The following SLCO1B3 variants were observed in gnomAD, a reference collection of about 807,000 sequenced individuals.
SLCO1B3 encodes liver-specific organic anion transporter 2.
SLCO1B3 carries 72 observed loss-of-function variants against 71.8 expected under a neutral mutation model. The ratio of observed to expected loss-of-function variants is 1.00; its 90% CI spans 0.83 to 1.22. The LOEUF (loss-of-function observed/expected upper bound fraction) is 1.22. Ranked by LOEUF, SLCO1B3 falls within the 50% of genes most tolerant of loss-of-function variation. The probability of loss-of-function intolerance (pLI) is 0.00; values close to 1 mark genes in which losing one functional copy is unlikely to be tolerated. For synonymous variants in SLCO1B3, 298 were observed against 278.4 expected (o/e 1.07, Z -0.70); for missense variants, 911 against 819.7 (o/e 1.11, Z -1.36).
At chr12:20,832,377 C>T (rs889676825) in intron 3 of SLCO1B3, among the ~76,000 whole-genome samples, 6 of 152,258 alleles carry the variant, frequency 3.9e-5, no homozygotes, top group Admixed American at 3.9e-4. Context: ...ATTGAACCAA[C>T]TGTGTTACAC....
intron 3 of SLCO1B3, among the ~76,000 whole-genome samples, chr12:20,819,300 C>T (rs528944975): frequency 7.6e-4 from 115 of 152,146 alleles, no homozygotes; most frequent in South Asian, 2.1e-3. Flanking sequence ...TGTGTTTTTA[C>T]GAGAATTATG....
intron 8 of SLCO1B3, among the ~76,000 whole-genome samples, chr12:20,868,526 C>G (rs537509324): frequency 6.6e-6 from 1 of 152,204 alleles, no homozygotes; most frequent in Non-Finnish European, 1.5e-5. Flanking sequence ...ATTCTACTTT[C>G]TGCTTTCATG....
intron 3 of SLCO1B3, among the ~76,000 whole-genome samples, chr12:20,827,211 G>A (rs142665096): frequency 6.6e-5 from 10 of 152,188 alleles, no homozygotes; most frequent in African/African-American, 2.4e-4. Flanking sequence ...ATTTAGCAGG[G>A]ATAAATATTA....
chr12:20,879,432 C>T lies in SLCO1B3; in HGVS notation c.1136-4C>T, dbSNP rs958332597. On this transcript the variant is annotated splice_polypyrimidine_tract_variant and splice_region_variant and intron_variant, in intron 10 of 15. Coordinates refer to ENST00000381545, the MANE Select transcript of SLCO1B3 (RefSeq NM_019844.4). ...ATAGCTTTTTTCTCTTCTTTTATTTCTAGGAATCATAACCATTCCTACGGT... is the reference window on the plus strand; with the variant it reads ...ATAGCTTTTTTCTCTTCTTTTATTTTTAGGAATCATAACCATTCCTACGGT... 1.7e-5 allele frequency: 26 copies of T among 1,558,252 alleles called. No homozygotes were observed. Among genetic ancestry groups the T allele is most frequent in the Non-Finnish European group, 2.0e-5 (23 of 1,144,084 alleles).
chr12:20,821,389 A>T (rs1456317400), intron 3 of SLCO1B3, among the ~76,000 whole-genome samples: 5 of 152,132 alleles, frequency 3.3e-5, no homozygotes, highest in Non-Finnish European at 7.4e-5. Context: ...GTCAGGTGAG[A>T]GTTGAAGAGG....
chr12:20,903,130 G>A (rs1008002831), intron 15 of SLCO1B3, among the ~76,000 whole-genome samples: 3 of 151,330 alleles, frequency 2.0e-5, no homozygotes, highest in Non-Finnish European at 2.9e-5. Flanking sequence ...GGAAACAACA[G>A]GAATTTCCTG....
intron 8 of SLCO1B3, among the ~76,000 whole-genome samples, chr12:20,868,616 T>C (rs10770754): frequency 0.72 from 109,358 of 151,762 alleles, 41,945 homozygotes; most frequent in South Asian, 0.9. Flanking sequence ...GTGGGTCTCT[T>C]ACTGTGTGCG....
At position 20,828,302 on chromosome 12, in the gene SLCO1B3, TAAAA is replaced by T. The variant is rs33953453; in HGVS notation, c.84+12494_84+12497del. Among the ~76,000 whole-genome samples, 176 of 140,696 alleles carry T rather than the reference TAAAA, an allele frequency of 1.3e-3. 3 individuals are homozygous for T. In the South Asian group the frequency reaches 0.034, roughly 27 times the overall value. The allele number at this position is 140,696 out of a possible 152,430, so 92.3% of individuals were successfully genotyped here. A position where few individuals can be genotyped will look rare whatever the true frequency, so the allele number is the denominator to read the frequency against. On this transcript the variant is annotated intron_variant, in intron 3 of 15. Transcript: ENST00000381545. ...GCACCTGTTGTAAGAACTATTTTAG[TAAAA>T]AAAAAAAAAAAAAGGTAACACAATA...
chr12:20,902,447 C>T (rs1866148461), intron 15 of SLCO1B3: 2 of 152,182 alleles, frequency 1.3e-5, no homozygotes, highest in Non-Finnish European at 2.9e-5. Flanking sequence ...TGAACTAATG[C>T]ATGAACAGAA....
At chr12:20,900,886 A>T (rs1164818692) in intron 14 of SLCO1B3, among the ~76,000 whole-genome samples, 1 of 152,224 alleles carries the variant, frequency 6.6e-6, no homozygotes, top group Non-Finnish European at 1.5e-5. Context: ...ATCTTAAAAT[A>T]GTATTAAAAT....
intron 11 of SLCO1B3, among the ~76,000 whole-genome samples, chr12:20,880,108 TC>T (rs1555158663): frequency 6.0e-5 from 1 of 16,774 alleles, no homozygotes; most frequent in South Asian, 0.013. Context: ...TTAATAATTA[TC>T]ATATCTTTAC....
chr12:20,841,972 T>C (rs11045552), intron 3 of SLCO1B3, among the ~76,000 whole-genome samples: 109,590 of 151,182 alleles, frequency 0.72, 42,304 homozygotes, highest in South Asian at 0.9. Context: ...GCAGCCTCTG[T>C]CGCCCAGTTT....
In SLCO1B3 at chr12:20,880,833, T is replaced by C. The variant is rs78308855; in HGVS notation, c.1332-22T>C. On this transcript the variant is annotated intron_variant, in intron 11 of 15. Transcript: ENST00000381545. ...ACTTCCTCTTTCTCTTTTTTTGATA[T>C]ATTTCTATCATATATTTTCAGAAAT... 8.4e-4 allele frequency: 1,271 copies of C among 1,519,396 alleles called. 8 individuals are homozygous for C. In the African/African-American group the frequency reaches 0.014, roughly 17 times the overall value. The allele number at this position is 1,519,396 out of a possible 1,614,324, so 94.1% of individuals were successfully genotyped here. A position where few individuals can be genotyped will look rare whatever the true frequency, so the allele number is the denominator to read the frequency against.
At chr12:20,881,908 T>A (rs949904750) in intron 12 of SLCO1B3, among the ~76,000 whole-genome samples, 5 of 152,194 alleles carry the variant, frequency 3.3e-5, no homozygotes, top group African/African-American at 1.2e-4. Context: ...TTTCTATCTT[T>A]CCCTTGCCCA....
intron 4 of SLCO1B3, among the ~76,000 whole-genome samples, chr12:20,856,983 T>C (rs1015002445): frequency 6.6e-6 from 1 of 152,188 alleles, no homozygotes; most frequent in Non-Finnish European, 1.5e-5. Context: ...TAGGAAGAAT[T>C]GAAAACGTGG....
rs1023678325 is a variant in SLCO1B3, at chr12:20,881,051, C to A, written c.1497+31C>A. On this transcript the variant is annotated intron_variant, in intron 12 of 15. Transcript: ENST00000381545. ...TATTAGTTTTCACTTTTTCTCCTCT[C>A]CTTAATCAAAATCACAGATTTGATT... The A allele has an allele frequency of 5.4e-6, 8 of 1,471,036 alleles. No homozygotes were observed. In the South Asian group the frequency reaches 8.9e-5, roughly 16 times the overall value. The allele number at this position is 1,471,036 out of a possible 1,614,324, so 91.1% of individuals were successfully genotyped here. A position where few individuals can be genotyped will look rare whatever the true frequency, so the allele number is the denominator to read the frequency against.
At chr12:20,888,083 A>G (rs971238559) in intron 13 of SLCO1B3, among the ~76,000 whole-genome samples, 5 of 151,912 alleles carry the variant, frequency 3.3e-5, no homozygotes, top group East Asian at 3.9e-4. Context: ...CCATTGATCT[A>G]TGTGTCTATT....
intron 15 of SLCO1B3, among the ~76,000 whole-genome samples, chr12:20,913,288 A>G (rs1455961691): frequency 6.6e-6 from 1 of 152,214 alleles, no homozygotes. Context: ...ACTATGTACC[A>G]TAGTAACTAT....
At chr12:20,889,254 GA>G (rs1865854607) in intron 13 of SLCO1B3, among the ~76,000 whole-genome samples, 1 of 151,824 alleles carries the variant, frequency 6.6e-6, no homozygotes, top group African/African-American at 2.4e-5. Context: ...TGATTTTTTG[GA>G]ATAGTTTTAG....
Sources: gnomAD v4.1 joint callset for allele counts (sites outside exome capture counted in the v4.1 genomes callset) on GRCh38, gnomAD v4.1.1 for gene constraint, MANE v1.5 for transcripts, NCBI Gene and HGNC (gene_info 2026-07-23, HGNC 2026-07-21) for gene names.